Variants in PKNOX2 observed in about 807,000 individuals in gnomAD.
The protein encoded by PKNOX2 is PBX/knotted 1 homeobox 2, also known as homeobox protein PKNOX2.
Under a neutral mutation model 53.1 loss-of-function variants are expected in PKNOX2, and 14 were observed. That is an observed-to-expected ratio of 0.26 (90% CI 0.17 to 0.41). The LOEUF (loss-of-function observed/expected upper bound fraction) is 0.41, where lower values mean the gene tolerates loss of function less well. Among genes scored for constraint, PKNOX2 ranks in the 10% least tolerant of loss-of-function variants. The pLI is 1.00. For missense variants in PKNOX2, 496 were observed against 602.8 expected (o/e 0.82, Z 1.85); for synonymous variants, 257 against 242.8 (o/e 1.06, Z -0.54).
intron 5 of PKNOX2, among the ~76,000 whole-genome samples, chr11:125,379,068 T>C (rs545122917): frequency 2.6e-5 from 4 of 151,412 alleles, no homozygotes; most frequent in Non-Finnish European, 2.9e-5. Context: ...TTTTTTTTTT[T>C]TTTATTTTTT....
chr11:125,356,521 C>G (rs1951624699), intron 4 of PKNOX2, among the ~76,000 whole-genome samples: 1 of 152,232 alleles, frequency 6.6e-6, no homozygotes, highest in African/African-American at 2.4e-5. Context: ...CCCTCCCATT[C>G]CCCTCACCCC....
At chr11:125,385,447 G>A in intron 5 of PKNOX2, 104 bp from the exon 6 acceptor site, 3 of 1,317,290 alleles carry the variant, frequency 2.3e-6, no homozygotes, top group South Asian at 1.5e-5. Context: ...GGGACCTTGG[G>A]AGAAGTGAGG....
In PKNOX2 at chr11:125,262,589, C is replaced by G. The variant is rs112939379; in HGVS notation, c.-130+27474C>G. The stretch of plus-strand genomic sequence containing the variant: ...TAATGCCCGCTCCACCTTTGCCCTG[C>G]TCCCCAAGCAGCCCTCCCACCCTTC... On this transcript the variant is annotated intron_variant, in intron 2 of 12. Coordinates refer to ENST00000298282, the MANE Select transcript of PKNOX2 (RefSeq NM_001382323.2). 9.1e-4 allele frequency among the ~76,000 whole-genome samples: 139 copies of G among 152,106 alleles called. 1 individual carries two copies. Among genetic ancestry groups the G allele is most frequent in the African/African-American group, 3.2e-3 (131 of 41,492 alleles).
chr11:125,174,880 C>T (rs1341145287), intron 1 of PKNOX2, among the ~76,000 whole-genome samples: 1 of 152,148 alleles, frequency 6.6e-6, no homozygotes. Flanking sequence ...CCCACCGGCT[C>T]TGGGAGGAGA....
intron 10 of PKNOX2, among the ~76,000 whole-genome samples, chr11:125,424,244 A>G (rs1956301333): frequency 6.6e-6 from 1 of 152,162 alleles, no homozygotes; most frequent in African/African-American, 2.4e-5. Flanking sequence ...GAGCAGGGAT[A>G]AAAATGAGAG....
intron 10 of PKNOX2, among the ~76,000 whole-genome samples, chr11:125,416,302 CAAAAAAAAAAA>C (rs61354494): frequency 1.4e-5 from 1 of 70,458 alleles, no homozygotes; most frequent in Non-Finnish European, 2.5e-5. Context: ...GACGCCGTCT[CAAAAAAAAAAA>C]AAAAAAAAAA....
In PKNOX2 at chr11:125,307,472, C is replaced by T. The variant is rs1030099821; in HGVS notation, c.-129-24347C>T. ...ACTCAGGAGGCTGAGGCAGGAGAATCGCTTGAACCTGGGAGGTAGAGGTTG... is the reference window on the plus strand; with the variant it reads ...ACTCAGGAGGCTGAGGCAGGAGAATTGCTTGAACCTGGGAGGTAGAGGTTG... On this transcript the variant is annotated intron_variant, in intron 2 of 12. Coordinates refer to ENST00000298282, the MANE Select transcript of PKNOX2 (RefSeq NM_001382323.2). Among the ~76,000 whole-genome samples the T allele has an allele frequency of 9.9e-5, 15 of 152,088 alleles. 1 individual carries two copies. Among genetic ancestry groups the T allele is most frequent in the African/African-American group, 2.7e-4 (11 of 41,402 alleles).
chr11:125,243,571 G>A (rs566687366), intron 2 of PKNOX2, among the ~76,000 whole-genome samples: 2 of 151,654 alleles, frequency 1.3e-5, no homozygotes, highest in Middle Eastern at 3.5e-3. Flanking sequence ...AGGCACCCAG[G>A]TTACCAAGTT....
chr11:125,257,315 A>G (rs1944483529), intron 2 of PKNOX2, among the ~76,000 whole-genome samples: 1 of 152,170 alleles, frequency 6.6e-6, no homozygotes, highest in Admixed American at 6.5e-5. Flanking sequence ...GGGAAGCAGG[A>G]ACCATCTGGT....
At chr11:125,360,006 G>A (rs967367664) in intron 4 of PKNOX2, among the ~76,000 whole-genome samples, 7 of 152,174 alleles carry the variant, frequency 4.6e-5, no homozygotes, top group African/African-American at 1.7e-4. Flanking sequence ...TTACAGGCGT[G>A]AGCCACCATG....
intron 1 of PKNOX2, among the ~76,000 whole-genome samples, chr11:125,179,279 G>A (rs551196945): frequency 2.0e-5 from 3 of 152,234 alleles, no homozygotes; most frequent in South Asian, 2.1e-4. Context: ...GAACAGAGAC[G>A]TTACTTTTAA....
At chr11:125,425,089 G>T (rs983470866) in intron 10 of PKNOX2, among the ~76,000 whole-genome samples, 8 of 152,174 alleles carry the variant, frequency 5.3e-5, no homozygotes, top group African/African-American at 1.9e-4. Context: ...AGGCTTCAGT[G>T]CATCGCACAG....
At chr11:125,174,125 T>G (rs759841110) in intron 1 of PKNOX2, among the ~76,000 whole-genome samples, 5 of 152,184 alleles carry the variant, frequency 3.3e-5, no homozygotes, top group Non-Finnish European at 7.4e-5. Context: ...CCAGGAGACC[T>G]TCCTCTGTGG....
Position 125,386,713 on chromosome 11 carries a change from A to AACACACACACACACACACACACAC in PKNOX2, c.399+1008_399+1031dup, listed in dbSNP as rs3138544. Reference sequence around the variant, plus strand: ...TGTGGTTCCAGAAAGGAAGAAAAAGAACACACACACACACACACACACACA... The same window carrying AACACACACACACACACACACACAC: ...TGTGGTTCCAGAAAGGAAGAAAAAGAACACACACACACACACACACACACACACACACACACACACACACACACA... On this transcript the variant is annotated intron_variant, in intron 6 of 12. Coordinates refer to ENST00000298282, the MANE Select transcript of PKNOX2 (RefSeq NM_001382323.2). Among the ~76,000 whole-genome samples the AACACACACACACACACACACACAC allele has an allele frequency of 6.4e-3, 898 of 141,078 alleles. 15 individuals are homozygous for AACACACACACACACACACACACAC. The highest frequency in any genetic ancestry group is 0.015 in the African/African-American group (561 of 37,260). The allele number at this position is 141,078 out of a possible 152,430, so 92.6% of individuals were successfully genotyped here.
intron 2 of PKNOX2, among the ~76,000 whole-genome samples, chr11:125,267,157 A>G (rs1210516985): frequency 3.3e-5 from 5 of 152,088 alleles, no homozygotes. Flanking sequence ...TCCTCCCTCC[A>G]TCATTTGAAA....
rs1565460587 is a variant in PKNOX2, at chr11:125,171,019, G to GCC, written c.-201+6243_-201+6244insCC. ...GCCAGATCCAGATGGGCCAGAAAGC[G>GCC]GCCACAGAAGCAGCAGGTCACAGGG... On this transcript the variant is annotated intron_variant, in intron 1 of 12. Transcript: ENST00000298282. Among the ~76,000 whole-genome samples the GCC allele has an allele frequency of 3.7e-3, 241 of 65,492 alleles. 1 individual carries two copies. The highest frequency in any genetic ancestry group is 0.012 in the African/African-American group (222 of 17,976). The allele number at this position is 65,492 out of a possible 152,430, so 43.0% of individuals were successfully genotyped here.
rs1954797534 is a variant in PKNOX2 at position 125,165,509 on chromosome 11, G to T, written c.-201+733G>T. ...GAGGCGGGAGCGGTCCCAGGCTGGGGCCAGGTGACCGGAGGAGTCGAGGAG... is the reference window on the plus strand; with the variant it reads ...GAGGCGGGAGCGGTCCCAGGCTGGGTCCAGGTGACCGGAGGAGTCGAGGAG... On this transcript the variant is annotated intron_variant, in intron 1 of 12. Transcript: ENST00000298282. This position sits in a 1 kb window ranked among gnomAD's most constrained non-coding sequence, Gnocchi z 4.5. Among the ~76,000 whole-genome samples, 1 of 152,176 alleles carries T rather than the reference G, an allele frequency of 6.6e-6. No individual in the cohort carries two copies. The highest frequency in any genetic ancestry group is 1.5e-5 in the Non-Finnish European group (1 of 68,020).
intron 3 of PKNOX2, among the ~76,000 whole-genome samples, chr11:125,342,394 C>T (rs1256113140): frequency 6.6e-6 from 1 of 152,160 alleles, no homozygotes; most frequent in Non-Finnish European, 1.5e-5. Flanking sequence ...ACCCTACTCA[C>T]ACCTTACATG....
At chr11:125,367,707 C>T (rs941431332) in intron 4 of PKNOX2, 139 bp from the exon 5 acceptor site, 1 of 852,576 alleles carries the variant, frequency 1.2e-6, no homozygotes, top group Non-Finnish European at 1.7e-6. Context: ...CGAATGGATG[C>T]TCATTGTGTG....
Sources: allele counts gnomAD v4.1 joint callset (sites outside exome capture counted in the v4.1 genomes callset), GRCh38; gene constraint gnomAD v4.1.1; non-coding constraint Gnocchi (gnomAD v3.1); transcripts MANE v1.5; gene names NCBI Gene and HGNC (gene_info 2026-07-23, HGNC 2026-07-21).